SLC39A8: variants seen among roughly 807,000 people sequenced by gnomAD.
SLC39A8 encodes the protein metal cation symporter ZIP8.
Under a neutral mutation model 40.4 loss-of-function variants are expected in SLC39A8, and 15 were observed. The ratio of observed to expected loss-of-function variants is 0.37; its 90% confidence interval spans 0.25 to 0.57. The LOEUF (loss-of-function observed/expected upper bound fraction) is 0.57, where lower values mean the gene tolerates loss of function less well. SLC39A8 is among the 20% of genes least tolerant of loss of function. SLC39A8 has a pLI of 0.75. For missense variants in SLC39A8, 472 were observed against 558.8 expected, an observed-to-expected ratio of 0.84 and a Z score of 1.57; for synonymous variants, 223 against 221.6, an observed-to-expected ratio of 1.01 and a Z score of -0.06.
chr4:102,283,846 C>T (rs146608197), intron 6 of SLC39A8, among the ~76,000 whole-genome samples: 2 of 152,264 alleles, frequency 1.3e-5, no homozygotes, highest in East Asian at 3.9e-4. Context: ...ATCCACTGTG[C>T]CTACCTACTC....
intron 6 of SLC39A8, among the ~76,000 whole-genome samples, chr4:102,297,764 T>A (rs1264523989): frequency 6.6e-6 from 1 of 151,618 alleles, no homozygotes; most frequent in East Asian, 1.9e-4. Context: ...ACAAAAAAAA[T>A]TTAGTTAGCC....
At chr4:102,344,091 T>C (rs929910730) in intron 2 of SLC39A8, among the ~76,000 whole-genome samples, 1 of 152,212 alleles carries the variant, frequency 6.6e-6, no homozygotes, top group African/African-American at 2.4e-5. Context: ...GTTATCTTTC[T>C]GGCAAGATTT....
chr4:102,334,819 T>G (rs1735602273), intron 2 of SLC39A8, among the ~76,000 whole-genome samples: 1 of 152,210 alleles, frequency 6.6e-6, no homozygotes, highest in African/African-American at 2.4e-5. Flanking sequence ...ATGAGTCATC[T>G]GATTTAAAGT....
intron 6 of SLC39A8, among the ~76,000 whole-genome samples, chr4:102,282,378 T>C (rs1283547616): frequency 2.0e-5 from 3 of 152,216 alleles, no homozygotes; most frequent in African/African-American, 7.2e-5. Context: ...CATGGACATT[T>C]ATGCACAACA....
At chr4:102,284,087 C>A (rs1733039156) in intron 6 of SLC39A8, among the ~76,000 whole-genome samples, 2 of 152,162 alleles carry the variant, frequency 1.3e-5, no homozygotes, top group African/African-American at 4.8e-5. Flanking sequence ...CCCTGCAGGA[C>A]ATTTTAAAAT....
rs187348828 is a variant in SLC39A8 at position 102,275,036 on chromosome 4, G to T, written c.841-6957C>A. On this transcript the variant is annotated intron_variant, in intron 6 of 8. Coordinates refer to ENST00000356736, the MANE Select transcript of SLC39A8 (RefSeq NM_001135146.2). ...AGACCATTGACACTATGAAGAAACT[G>T]CATCAACTAATGGGCAAAATAAACA... is the stretch of plus-strand genomic sequence containing the variant. 2.5e-4 allele frequency among the ~76,000 whole-genome samples: 38 copies of T among 152,172 alleles called. 1 individual carries two copies. The highest frequency in any genetic ancestry group is 2.2e-3 in the Admixed American group (34 of 15,282).
chr4:102,323,202 T>G (rs1177508197), intron 2 of SLC39A8, among the ~76,000 whole-genome samples: 1 of 152,204 alleles, frequency 6.6e-6, no homozygotes, highest in Non-Finnish European at 1.5e-5. Context: ...CCATTCCACT[T>G]CTCCTTCATT....
At chr4:102,340,198 C>T (rs1025145601) in intron 2 of SLC39A8, among the ~76,000 whole-genome samples, 2 of 152,140 alleles carry the variant, frequency 1.3e-5, no homozygotes, top group African/African-American at 4.8e-5. Flanking sequence ...CCAGGCACTA[C>T]ACTAGTCTCT....
intron 8 of SLC39A8, among the ~76,000 whole-genome samples, chr4:102,266,804 C>T (rs1732120358): frequency 6.6e-6 from 1 of 152,180 alleles, no homozygotes; most frequent in African/African-American, 2.4e-5. Context: ...GACAGGGTTT[C>T]ACCATGTTGG....
At chr4:102,315,596 A>G in intron 3 of SLC39A8, 72 bp downstream of exon 3, 1 of 1,295,616 alleles carries the variant, frequency 7.7e-7, no homozygotes. Context: ...GCAGAAAAAG[A>G]GGCATATTAA....
chr4:102,307,670 G>A (rs1157204006), intron 3 of SLC39A8, 65 bp from the exon 4 acceptor site: 9 of 1,501,230 alleles, frequency 6.0e-6, no homozygotes, highest in Non-Finnish European at 8.2e-6. Context: ...ATGTTTTCCT[G>A]TACATTAAGC....
At position 102,269,255 on chromosome 4, in the gene SLC39A8, C is replaced by A. The variant is rs137911557; in HGVS notation, c.841-1176G>T. ...TTACAGTTACTCCAATATCACTTCA[C>A]CACTCCAAACACTTTGGGGACCAAC... On this transcript the variant is annotated intron_variant, in intron 6 of 8. Transcript: ENST00000356736. Among the ~76,000 whole-genome samples the A allele has an allele frequency of 2.4e-3, 372 of 152,300 alleles. 8 individuals carry two copies. The highest frequency in any genetic ancestry group is 0.011 in the East Asian group (55 of 5,188).
chr4:102,282,292 T>A (rs911422153), intron 6 of SLC39A8, among the ~76,000 whole-genome samples: 3 of 152,244 alleles, frequency 2.0e-5, no homozygotes, highest in African/African-American at 7.2e-5. Flanking sequence ...ATATTAAAAG[T>A]ACATCTTCTC....
chr4:102,339,325 A>G (rs371474285), intron 2 of SLC39A8, among the ~76,000 whole-genome samples: 354 of 140,002 alleles, frequency 2.5e-3, no homozygotes, highest in South Asian at 5.9e-3. Context: ...CATAAAGGGG[A>G]AAAAAAAAAA....
intron 6 of SLC39A8, among the ~76,000 whole-genome samples, chr4:102,287,029 GATCTTA>G (rs1438541379): frequency 1.3e-5 from 2 of 152,060 alleles, no homozygotes; most frequent in African/African-American, 2.4e-5. Flanking sequence ...TACTTAACTG[GATCTTA>G]ATTTATGCAG....
intron 6 of SLC39A8, among the ~76,000 whole-genome samples, chr4:102,283,863 T>C (rs967210068): frequency 3.9e-5 from 6 of 152,214 alleles, no homozygotes; most frequent in Non-Finnish European, 8.8e-5. Flanking sequence ...ACTCTGTTCA[T>C]CTTTCTGTTC....
chr4:102,331,288 C>T (rs1177782803), intron 2 of SLC39A8, among the ~76,000 whole-genome samples: 1 of 152,092 alleles, frequency 6.6e-6, no homozygotes, highest in Non-Finnish European at 1.5e-5. Context: ...TCGTCTCAGC[C>T]CAAAATCTCC....
chr4:102,313,569 T>G (rs1419506729), intron 3 of SLC39A8, among the ~76,000 whole-genome samples: 1 of 152,114 alleles, frequency 6.6e-6, no homozygotes, highest in East Asian at 1.9e-4. Flanking sequence ...TCCTGTCAGA[T>G]GAGCTCACTC....
At chr4:102,312,255 C>T (rs1359980195) in intron 3 of SLC39A8, among the ~76,000 whole-genome samples, 1 of 152,050 alleles carries the variant, frequency 6.6e-6, no homozygotes, top group East Asian at 1.9e-4. Flanking sequence ...CCCCTGGAAA[C>T]ATTTCCATAT....
Sources: allele counts gnomAD v4.1 joint callset (sites outside exome capture counted in the v4.1 genomes callset), GRCh38; gene constraint gnomAD v4.1.1; transcripts MANE v1.5; gene names NCBI Gene and HGNC (gene_info 2026-07-23, HGNC 2026-07-21).